Variants in ARHGAP29 observed in about 807,000 individuals in gnomAD.
ARHGAP29 encodes the protein Rho GTPase activating protein 29.
Under a neutral mutation model 122.6 loss-of-function variants are expected in ARHGAP29, and 43 were observed. That is an observed-to-expected ratio of 0.35 (90% CI 0.27 to 0.45). ARHGAP29 has a LOEUF of 0.45. Ranked by LOEUF, ARHGAP29 falls within the 20% of genes least tolerant of loss-of-function variation. ARHGAP29 has a pLI of 1.00. For synonymous variants in ARHGAP29, 506 were observed against 497.1 expected, an observed-to-expected ratio of 1.02 and a Z score of -0.24; for missense variants, 1,303 against 1,477.2, an observed-to-expected ratio of 0.88 and a Z score of 1.93.
At chr1:94,183,724 T>TA (rs1247776259) in intron 19 of ARHGAP29, among the ~76,000 whole-genome samples, 1 of 152,226 alleles carries the variant, frequency 6.6e-6, no homozygotes, top group Admixed American at 6.5e-5. Context: ...ACTGTGTGGA[T>TA]ACTGGGATTT....
intron 1 of ARHGAP29, among the ~76,000 whole-genome samples, chr1:94,274,482 C>T (rs1655110838): frequency 1.3e-5 from 2 of 152,180 alleles, no homozygotes; most frequent in South Asian, 4.1e-4. Flanking sequence ...AACTAAGCTA[C>T]AAAACTTATT....
rs2101342342 is a variant in ARHGAP29, at chr1:94,177,723, G to A, written c.2797-3C>T. 2 of 1,603,262 alleles carry A rather than the reference G, an allele frequency of 1.2e-6. No homozygotes were observed. Among genetic ancestry groups the A allele is most frequent in the African/African-American group, 1.3e-5 (1 of 74,386 alleles). On this transcript the variant is annotated splice_region_variant and splice_polypyrimidine_tract_variant and intron_variant, in intron 21 of 22. Coordinates refer to ENST00000260526, the MANE Select transcript of ARHGAP29 (RefSeq NM_004815.4). ...TCACTCTCTGAAGTATGGATATCCT[G>A]TTGATGCAAGATAATTTTTAAAATG...
chr1:94,203,522 C>T (rs971588614), intron 8 of ARHGAP29, among the ~76,000 whole-genome samples: 1 of 152,062 alleles, frequency 6.6e-6, no homozygotes, highest in Admixed American at 6.5e-5. Context: ...ATTACTTGAG[C>T]TCAGGAGTTT....
chr1:94,294,060 C>T, the ARHGAP29 span, among the ~76,000 whole-genome samples: 2 of 152,116 alleles, frequency 1.3e-5, no homozygotes, highest in East Asian at 3.9e-4. Context: ...TGTAGAGTTT[C>T]TAAGGATTTT....
At chr1:94,219,949 T>C (rs527940720) in intron 3 of ARHGAP29, among the ~76,000 whole-genome samples, 22 of 152,336 alleles carry the variant, frequency 1.4e-4, no homozygotes, top group Middle Eastern at 3.4e-3. Flanking sequence ...CAAAGACTTC[T>C]TGTACACCAA....
At position 94,172,531 on chromosome 1, in the gene ARHGAP29, G is replaced by A. The variant is rs1285915400; in HGVS notation, c.*1338C>T. The A allele has an allele frequency of 6.6e-6, 1 of 151,118 alleles. No individual in the cohort carries two copies. The highest frequency in any genetic ancestry group is 6.6e-5 in the Admixed American group (1 of 15,140). 9.4% of individuals were successfully genotyped at this position (151,118 alleles called of 1,614,324 possible). A position where few individuals can be genotyped will look rare whatever the true frequency, so the allele number is the denominator to read the frequency against. On this transcript the variant is annotated 3_prime_UTR_variant, in exon 23 of 23. Transcript: ENST00000260526. ...CCTAGGTGTTGACTTCTAAGCCAAT[G>A]GTTAATAACCTTAAACTCTCATACT...
chr1:94,196,271 T>TC (rs1650459181), intron 12 of ARHGAP29, among the ~76,000 whole-genome samples: 1 of 141,532 alleles, frequency 7.1e-6, no homozygotes, highest in Non-Finnish European at 1.5e-5. Flanking sequence ...TTTTTTTTTT[T>TC]TTTTTTTTGA....
intron 1 of ARHGAP29, among the ~76,000 whole-genome samples, chr1:94,263,395 T>TAA (rs35165466): frequency 0.027 from 3,986 of 148,438 alleles, 175 homozygotes; most frequent in African/African-American, 0.092. Context: ...ACTTAAAAGT[T>TAA]AAAAAAAAAA....
Position 94,186,593 on chromosome 1 carries a change from G to T in ARHGAP29, c.1686C>A (p.Asp562Glu), listed in dbSNP as rs1290525050. The T allele has an allele frequency of 1.3e-5, 21 of 1,612,284 alleles. No individual in the cohort carries two copies. Among genetic ancestry groups the T allele is most frequent in the Non-Finnish European group, 1.6e-5 (19 of 1,178,748 alleles). Residue 562 changes from aspartate (D) to glutamate (E), a missense_variant, in exon 16 of 23, where the codon GAC becomes GAA. By Grantham distance (45) the Asp-to-Glu change is conservative (BLOSUM62 2). This residue lies in a region of ARHGAP29 where 592 missense variants were observed against 648.2 expected (regional missense o/e 0.91). Transcript: ENST00000260526. ...GTGTTCGTGGAAGTTTTCGATGAAA[G>T]TCTCCTAGAAGAAAATTGTGGATAC... is the stretch of plus-strand genomic sequence containing the variant. ...SLDSESISPG[D>E]FHRKLPRTPS...
rs1648938395 is a variant in ARHGAP29, at chr1:94,174,199, G to C, written c.3456C>G (p.Val1152=). The C allele has an allele frequency of 6.2e-7, 1 of 1,614,176 alleles. No individual in the cohort carries two copies. Among genetic ancestry groups the C allele is most frequent in the East Asian group, 2.2e-5 (1 of 44,880 alleles). ...RSSDSYPLAP[V]RAPRTLQPQH... ...GAGGCTGCAGTGTTCTGGGTGCTCT[G>C]ACAGGAGCGAGAGGGTAGGAATCTG... is the stretch of plus-strand genomic sequence containing the variant. Residue 1152 remains valine, a synonymous_variant, in exon 23 of 23, where the codon GTC becomes GTG. Transcript: ENST00000260526.
At chr1:94,262,521 C>T (rs1270625246) in intron 1 of ARHGAP29, among the ~76,000 whole-genome samples, 2 of 152,066 alleles carry the variant, frequency 1.3e-5, no homozygotes, top group East Asian at 1.9e-4. Flanking sequence ...GGTCTGATAT[C>T]CAGCATCTAT....
In ARHGAP29 at chr1:94,202,838, G is replaced by C. The variant is rs1488156114; in HGVS notation, c.954+80C>G. 3.9e-6 allele frequency: 6 copies of C among 1,538,108 alleles called. No homozygotes were observed. In the African/African-American group the frequency reaches 6.9e-5, roughly 18 times the overall value. On this transcript the variant is annotated intron_variant, in intron 10 of 22. Transcript: ENST00000260526. Reference sequence around the variant, plus strand: ...TTAAGACAATATTTTAGAAAAATGAGAGCAAGGAAGGTCAGTATATACTGC... The same window carrying C: ...TTAAGACAATATTTTAGAAAAATGACAGCAAGGAAGGTCAGTATATACTGC...
At chr1:94,219,839 G>T (rs759756814) in intron 3 of ARHGAP29, among the ~76,000 whole-genome samples, 6 of 152,118 alleles carry the variant, frequency 3.9e-5, no homozygotes, top group Non-Finnish European at 8.8e-5. Context: ...TCACATTTTA[G>T]ATAAGGTCCC....
At chr1:94,297,221 G>GAC in the ARHGAP29 span, among the ~76,000 whole-genome samples, 1 of 152,144 alleles carries the variant, frequency 6.6e-6, no homozygotes, top group Non-Finnish European at 1.5e-5. Context: ...AGCAGCATGT[G>GAC]ACAGCTCATT....
intron 1 of ARHGAP29, among the ~76,000 whole-genome samples, chr1:94,261,042 A>T (rs1654539795): frequency 6.6e-6 from 1 of 152,132 alleles, no homozygotes; most frequent in South Asian, 2.1e-4. Flanking sequence ...TCTGTTCTTG[A>T]AACATTAAAA....
upstream of ARHGAP29, among the ~76,000 whole-genome samples, chr1:94,238,354 C>T (rs923351278): frequency 6.6e-6 from 1 of 152,002 alleles, no homozygotes; most frequent in African/African-American, 2.4e-5. Context: ...CAAGCATGAG[C>T]CACTGTGCCC....
rs920991415 is a variant in ARHGAP29 at position 94,170,291 on chromosome 1, T to C, written c.*3578A>G. ...TGACACATTTGAGTATAGAGCATCA[T>C]TTCTGTAGTATTGGACAAAAATGTC... On this transcript the variant is annotated 3_prime_UTR_variant, in exon 23 of 23. Coordinates refer to ENST00000260526, the MANE Select transcript of ARHGAP29 (RefSeq NM_004815.4). 1.3e-5 allele frequency among the ~76,000 whole-genome samples: 2 copies of C among 152,246 alleles called. No homozygotes were observed. The highest frequency in any genetic ancestry group is 4.8e-5 in the African/African-American group (2 of 41,460).
At chr1:94,192,731 C>A (rs998491681) in intron 12 of ARHGAP29, 2 of 151,982 alleles carry the variant, frequency 1.3e-5, no homozygotes, top group African/African-American at 4.8e-5. Flanking sequence ...AATAGGCAGA[C>A]CTAAGCCCCC....
At position 94,184,295 on chromosome 1, in the gene ARHGAP29, TAGAAA is replaced by T. The variant is rs1557843079; in HGVS notation, c.2110-12_2110-8del. On this transcript the variant is annotated splice_region_variant and splice_polypyrimidine_tract_variant and intron_variant, in intron 18 of 22. Transcript: ENST00000260526. Reference sequence around the variant, plus strand: ...CACACACACGATAAATTCCCTTCAATAGAAAAGAAAAAAATTTTGCAAAATTCTTC... The same window carrying T: ...CACACACACGATAAATTCCCTTCAATAGAAAAAAATTTTGCAAAATTCTTC... 1.9e-6 allele frequency: 3 copies of T among 1,587,830 alleles called. No homozygotes were observed. The highest frequency in any genetic ancestry group is 1.4e-5 in the African/African-American group (1 of 72,968).
Sources: allele counts gnomAD v4.1 joint callset (sites outside exome capture counted in the v4.1 genomes callset), GRCh38; gene constraint gnomAD v4.1.1; regional missense constraint gnomAD v4.1.1; transcripts MANE v1.5; gene names NCBI Gene and HGNC (gene_info 2026-07-23, HGNC 2026-07-21).